RTF2: variants seen among roughly 807,000 people sequenced by gnomAD.
RTF2 encodes replication termination factor 2, also known as UPF0549 protein C20orf43.
A neutral mutation model predicts 38.0 loss-of-function variants in RTF2; 18 were observed. The observed-to-expected ratio is 0.47, with a 90% CI of 0.33 to 0.70. RTF2 has a LOEUF of 0.70. RTF2 is among the 30% of genes least tolerant of loss of function. RTF2 has a pLI of 0.02. For missense variants in RTF2, 311 were observed against 379.6 expected (o/e 0.82, Z 1.50); for synonymous variants, 126 against 137.1 (o/e 0.92, Z 0.57).
intron 5 of RTF2, among the ~76,000 whole-genome samples, chr20:56,502,604 G>A (rs1983994714): frequency 6.6e-6 from 1 of 152,092 alleles, no homozygotes; most frequent in Non-Finnish European, 1.5e-5. Flanking sequence ...TATTTTAAAG[G>A]AAATTCCTAT....
At chr20:56,497,453 CA>C in intron 5 of RTF2, 1 of 1,529,984 alleles carries the variant, frequency 6.5e-7, no homozygotes, top group East Asian at 2.5e-5. Flanking sequence ...AAGCGGAACA[CA>C]GTTCATCTGG....
intron 5 of RTF2, chr20:56,491,900 T>C: frequency 1.4e-6 from 1 of 698,090 alleles, no homozygotes; most frequent in Non-Finnish European, 2.5e-6. Flanking sequence ...TTCACCAGAG[T>C]TCACATCAAA....
intron 5 of RTF2, chr20:56,497,805 G>A (rs1983654698): frequency 1.5e-5 from 5 of 324,734 alleles, no homozygotes; most frequent in Non-Finnish European, 2.9e-5. Context: ...ACTCTTCAAA[G>A]TGTTCTTATG....
intron 5 of RTF2, among the ~76,000 whole-genome samples, chr20:56,511,477 G>A (rs1490679486): frequency 6.6e-6 from 1 of 152,170 alleles, no homozygotes; most frequent in Non-Finnish European, 1.5e-5. Context: ...TGCAAAAAAG[G>A]TTGGGAACTA....
At chr20:56,471,003 A>G (rs6064398) in intron 1 of RTF2, 26,060 of 213,214 alleles carry the variant, frequency 0.12, 1,858 homozygotes, top group Middle Eastern at 0.21. Flanking sequence ...GGGCGGGGGG[A>G]TCGTGGTAGC....
intron 5 of RTF2, among the ~76,000 whole-genome samples, chr20:56,501,896 TTG>T (rs1983951671): frequency 6.6e-6 from 1 of 152,098 alleles, no homozygotes; most frequent in Admixed American, 6.6e-5. Context: ...ATTTGGGGGT[TTG>T]TGTGTGAGAG....
chr20:56,508,777 A>G (rs1984445722), intron 5 of RTF2, among the ~76,000 whole-genome samples: 2 of 152,240 alleles, frequency 1.3e-5, no homozygotes, highest in South Asian at 4.1e-4. Context: ...GGGGGAAAGA[A>G]TAGTTTTTTC....
intron 3 of RTF2, 62 bp downstream of exon 3, chr20:56,474,833 G>C: frequency 1.9e-6 from 2 of 1,061,970 alleles, no homozygotes; most frequent in Non-Finnish European, 2.8e-6. Context: ...TTATTTTATA[G>C]AATTTATACG....
chr20:56,512,704 T>C (rs559099833), intron 5 of RTF2, among the ~76,000 whole-genome samples: 1 of 152,298 alleles, frequency 6.6e-6, no homozygotes, highest in Admixed American at 6.5e-5. Context: ...TAACATTCAC[T>C]GCAGCAGCGT....
chr20:56,491,984 A>T (rs576032686), intron 5 of RTF2, among the ~76,000 whole-genome samples: 7 of 152,246 alleles, frequency 4.6e-5, no homozygotes, highest in Admixed American at 3.9e-4. Context: ...GCGCACTTTC[A>T]TTCTTTTAGT....
chr20:56,499,239 C>T (rs899613973), intron 5 of RTF2, among the ~76,000 whole-genome samples: 1 of 142,598 alleles, frequency 7.0e-6, no homozygotes, highest in African/African-American at 2.6e-5. Context: ...CTCTGTAACT[C>T]AGGCTGGAGT....
chr20:56,516,689 A>G, intron 6 of RTF2: 1 of 543,490 alleles, frequency 1.8e-6, no homozygotes. Context: ...AGATGTAAAT[A>G]TAAAAGTGAG....
chr20:56,490,007 A>G (rs777712831), intron 5 of RTF2, among the ~76,000 whole-genome samples: 2 of 152,246 alleles, frequency 1.3e-5, no homozygotes, highest in East Asian at 3.9e-4. Context: ...TATTTTCCAT[A>G]TGTGCTTTCC....
chr20:56,517,094 T>C lies in RTF2; in HGVS notation c.647-12T>C, dbSNP rs746580628. 1 of 1,614,040 alleles carries C rather than the reference T, an allele frequency of 6.2e-7. No homozygotes were observed. Among genetic ancestry groups the C allele is most frequent in the South Asian group, 1.1e-5 (1 of 91,068 alleles). ...CATTGTTTTTGCTTTGCCTACTTTG[T>C]TTCTTTTACAGAAGCCCCAGGGCCA... is the stretch of plus-strand genomic sequence containing the variant. On this transcript the variant is annotated splice_polypyrimidine_tract_variant and intron_variant, in intron 7 of 8. Coordinates refer to ENST00000357348, the MANE Select transcript of RTF2 (RefSeq NM_016407.5).
chr20:56,503,404 A>G (rs890514331), intron 5 of RTF2, among the ~76,000 whole-genome samples: 3 of 152,248 alleles, frequency 2.0e-5, no homozygotes, highest in African/African-American at 4.8e-5. Context: ...AAAACATTCT[A>G]GTTTACAAAA....
chr20:56,484,715 G>A (rs879656529), intron 5 of RTF2, among the ~76,000 whole-genome samples: 16 of 152,222 alleles, frequency 1.1e-4, no homozygotes, highest in African/African-American at 2.4e-4. Context: ...CATGGGTGGC[G>A]AGTAACTAGA....
At chr20:56,509,649 G>T (rs1406570001) in intron 5 of RTF2, among the ~76,000 whole-genome samples, 1 of 152,004 alleles carries the variant, frequency 6.6e-6, no homozygotes, top group African/African-American at 2.4e-5. Context: ...ACAGGTGTTG[G>T]GAAGGATGTG....
chr20:56,481,008 C>T (rs1982501108), intron 4 of RTF2, among the ~76,000 whole-genome samples: 2 of 152,170 alleles, frequency 1.3e-5, no homozygotes, highest in South Asian at 4.1e-4. Context: ...AAGATGCTGA[C>T]ACACCTGCCA....
intron 5 of RTF2, among the ~76,000 whole-genome samples, chr20:56,490,745 A>T (rs1983073363): frequency 6.6e-6 from 1 of 152,254 alleles, no homozygotes; most frequent in African/African-American, 2.4e-5. Flanking sequence ...TGAACCTGGG[A>T]GGCAGAGATT....
Sources: gnomAD v4.1 joint callset for allele counts (sites outside exome capture counted in the v4.1 genomes callset) on GRCh38, gnomAD v4.1.1 for gene constraint, MANE v1.5 for transcripts, NCBI Gene and HGNC (gene_info 2026-07-23, HGNC 2026-07-21) for gene names.